RAPGEF5: variants seen among roughly 807,000 people sequenced by gnomAD.
RAPGEF5 encodes the protein M-Ras-regulated GEF.
A neutral mutation model predicts 125.2 loss-of-function variants in RAPGEF5; 65 were observed. The ratio of observed to expected loss-of-function variants is 0.52; its 90% CI spans 0.43 to 0.64. The LOEUF (loss-of-function observed/expected upper bound fraction) is 0.64, where lower values mean the gene tolerates loss of function less well. Among genes scored for constraint, RAPGEF5 ranks in the 30% least tolerant of loss-of-function variants. The pLI, the probability that RAPGEF5 is intolerant of heterozygous loss-of-function variation, is 0.00. For synonymous variants in RAPGEF5, 391 were observed against 385.9 expected, an observed-to-expected ratio of 1.01 and a Z score of -0.16; for missense variants, 958 against 1,048.1, an observed-to-expected ratio of 0.91 and a Z score of 1.19.
At chr7:22,244,637 T>A (rs1342585278) in intron 7 of RAPGEF5, among the ~76,000 whole-genome samples, 7 of 152,152 alleles carry the variant, frequency 4.6e-5, no homozygotes, top group Non-Finnish European at 8.8e-5. Flanking sequence ...TATTTCATTA[T>A]ATATTACAAT....
chr7:22,329,497 T>C (rs1368811571), intron 1 of RAPGEF5, among the ~76,000 whole-genome samples: 1 of 152,150 alleles, frequency 6.6e-6, no homozygotes, highest in East Asian at 1.9e-4. Flanking sequence ...TCCAGACACA[T>C]GATGAAACAT....
chr7:22,160,992 C>T (rs868602250), intron 13 of RAPGEF5, among the ~76,000 whole-genome samples: 19 of 149,914 alleles, frequency 1.3e-4, no homozygotes, highest in African/African-American at 3.9e-4. Context: ...TTCAGGAGAT[C>T]GAGACCATCA....
At chr7:22,280,969 G>A (rs961409326) in intron 6 of RAPGEF5, among the ~76,000 whole-genome samples, 1 of 152,142 alleles carries the variant, frequency 6.6e-6, no homozygotes, top group Non-Finnish European at 1.5e-5. Context: ...AAAGAATATT[G>A]CCTGAAAATA....
chr7:22,185,491 A>G (rs984506661), intron 11 of RAPGEF5, among the ~76,000 whole-genome samples: 5 of 152,126 alleles, frequency 3.3e-5, no homozygotes, highest in Admixed American at 2.6e-4. Flanking sequence ...CAATGCTTCA[A>G]TTATGGTCAA....
chr7:22,320,622 C>T (rs1783696471), intron 1 of RAPGEF5, among the ~76,000 whole-genome samples: 1 of 152,170 alleles, frequency 6.6e-6, no homozygotes. Flanking sequence ...AATCACTCAG[C>T]TGTTTTCATC....
chr7:22,210,287 T>C (rs1478314487), intron 9 of RAPGEF5, among the ~76,000 whole-genome samples: 1 of 152,242 alleles, frequency 6.6e-6, no homozygotes, highest in African/African-American at 2.4e-5. Flanking sequence ...TTATTATGCA[T>C]TGTGCCATTT....
chr7:22,255,663 T>A (rs1786741390), intron 7 of RAPGEF5, among the ~76,000 whole-genome samples: 1 of 152,202 alleles, frequency 6.6e-6, no homozygotes, highest in African/African-American at 2.4e-5. Context: ...TCATATATAT[T>A]GTAATATCTT....
intron 11 of RAPGEF5, among the ~76,000 whole-genome samples, chr7:22,172,396 T>C (rs1784377724): frequency 1.3e-5 from 2 of 152,210 alleles, no homozygotes; most frequent in Non-Finnish European, 1.5e-5. Context: ...AGTTCTGGGA[T>C]TGCAGGTATA....
chr7:22,356,981 G>C lies in RAPGEF5; in HGVS notation c.80C>G (p.Ala27Gly), dbSNP rs1224142377. Residue 27 changes from alanine to glycine, a missense_variant, in exon 1 of 26, where the codon GCG (alanine) becomes GGG (glycine). Physicochemically the swap from Ala to Gly is moderately conservative, Grantham distance 60 (BLOSUM62 0). Coordinates refer to ENST00000665637, the MANE Select transcript of RAPGEF5 (RefSeq NM_012294.5). ...PALAAAAAVV[A>G]ADGPLRRSPS... ...GCTGCGGCGCAGGGGGCCGTCTGCC[G>C]CCACCACCGCCGCCGCGGCGGCCAG... 9.7e-7 allele frequency: 1 copy of C among 1,026,248 alleles called. No homozygotes were observed. The highest frequency in any genetic ancestry group is 9.1e-5 in the East Asian group (1 of 10,980). The allele number at this position is 1,026,248 out of a possible 1,614,324, so 63.6% of individuals were successfully genotyped here.
intron 5 of RAPGEF5, among the ~76,000 whole-genome samples, chr7:22,301,207 G>A (rs1030592134): frequency 8.5e-5 from 13 of 152,162 alleles, no homozygotes; most frequent in African/African-American, 2.9e-4. Flanking sequence ...GCCTGAACCT[G>A]TAGCTCCATC....
chr7:22,263,070 G>A (rs971416597), intron 7 of RAPGEF5, among the ~76,000 whole-genome samples: 1 of 152,156 alleles, frequency 6.6e-6, no homozygotes, highest in African/African-American at 2.4e-5. Context: ...ATTTCAATAG[G>A]TTACATACTG....
intron 13 of RAPGEF5, among the ~76,000 whole-genome samples, chr7:22,162,148 A>G (rs568370472): frequency 6.6e-6 from 1 of 152,348 alleles, no homozygotes; most frequent in Admixed American, 6.5e-5. Context: ...ATATTAAGCT[A>G]TATCAAATTT....
chr7:22,222,515 G>A (rs1785816620), intron 8 of RAPGEF5, among the ~76,000 whole-genome samples: 1 of 152,128 alleles, frequency 6.6e-6, no homozygotes, highest in African/African-American at 2.4e-5. Context: ...CAAGTACAAG[G>A]GCCCTAATGC....
chr7:22,150,074 CTTTTTT>C (rs71550462), intron 18 of RAPGEF5, among the ~76,000 whole-genome samples: 1 of 76,284 alleles, frequency 1.3e-5, no homozygotes. Context: ...ACGTGTGTTC[CTTTTTT>C]TTTTTTTTTT....
At chr7:22,248,131 AT>A (rs965950010) in intron 7 of RAPGEF5, among the ~76,000 whole-genome samples, 2 of 151,928 alleles carry the variant, frequency 1.3e-5, no homozygotes, top group African/African-American at 2.4e-5. Context: ...TAAAGTTGAA[AT>A]TTTTTTTTAA....
intron 1 of RAPGEF5, among the ~76,000 whole-genome samples, chr7:22,322,775 C>A (rs1783741738): frequency 6.6e-6 from 1 of 152,182 alleles, no homozygotes; most frequent in Non-Finnish European, 1.5e-5. Context: ...ACTAAGGACC[C>A]ACCCCAAACA....
intron 17 of RAPGEF5, among the ~76,000 whole-genome samples, chr7:22,151,683 T>TA (rs1329616942): frequency 1.3e-5 from 2 of 152,080 alleles, no homozygotes; most frequent in East Asian, 3.9e-4. Flanking sequence ...AGGCTGATCT[T>TA]AGACTCCTGA....
chr7:22,354,673 A>C (rs1397367687), intron 1 of RAPGEF5, among the ~76,000 whole-genome samples: 2 of 152,158 alleles, frequency 1.3e-5, no homozygotes, highest in African/African-American at 4.8e-5. Context: ...TGGGGCCCTC[A>C]TGATGGGATT....
chr7:22,341,283 A>C (rs951837560), intron 1 of RAPGEF5, among the ~76,000 whole-genome samples: 12 of 152,166 alleles, frequency 7.9e-5, no homozygotes, highest in African/African-American at 2.4e-4. Flanking sequence ...AGACTTATTC[A>C]CTATCATGAG....
Sources: allele counts gnomAD v4.1 joint callset (sites outside exome capture counted in the v4.1 genomes callset), GRCh38; gene constraint gnomAD v4.1.1; transcripts MANE v1.5; gene names NCBI Gene and HGNC (gene_info 2026-07-23, HGNC 2026-07-21).